The following GPR176 variants were observed in gnomAD, a reference collection of about 807,000 sequenced individuals.
GPR176 encodes G protein-coupled receptor 176, also known as G-protein coupled receptor 176.
A neutral mutation model predicts 35.4 loss-of-function variants in GPR176; 26 were observed. The ratio of observed to expected loss-of-function variants is 0.74; its 90% CI spans 0.54 to 1.02. The LOEUF is 1.02. Ranked by LOEUF, GPR176 falls within the 50% of genes least tolerant of loss-of-function variation. The pLI, the probability that GPR176 is intolerant of heterozygous loss-of-function variation, is 0.00. For missense variants in GPR176, 597 were observed against 665.3 expected, an observed-to-expected ratio of 0.90 and a Z score of 1.13; for synonymous variants, 278 against 271.3, an observed-to-expected ratio of 1.02 and a Z score of -0.24.
intron 1 of GPR176, among the ~76,000 whole-genome samples, chr15:39,899,690 A>C (rs1434265073): frequency 6.6e-6 from 1 of 152,278 alleles, no homozygotes; most frequent in African/African-American, 2.4e-5. Context: ...ATGTAGATGT[A>C]GATTCTCCTT....
chr15:39,804,948 G>A (rs1566934397), intron 2 of GPR176, among the ~76,000 whole-genome samples: 1 of 152,208 alleles, frequency 6.6e-6, no homozygotes, highest in Non-Finnish European at 1.5e-5. Flanking sequence ...GGCACAAGGA[G>A]TGACTGTAAG....
intron 1 of GPR176, among the ~76,000 whole-genome samples, chr15:39,878,205 C>T (rs1404534043): frequency 4.0e-5 from 6 of 149,198 alleles, no homozygotes; most frequent in Admixed American, 2.7e-4. Flanking sequence ...GTAGTCACCA[C>T]ATTGTACCTC....
At chr15:39,824,420 T>C (rs879745618) in intron 1 of GPR176, among the ~76,000 whole-genome samples, 1 of 152,204 alleles carries the variant, frequency 6.6e-6, no homozygotes, top group Non-Finnish European at 1.5e-5. Flanking sequence ...ACTTTTTAGG[T>C]CTTCTTCCAA....
At chr15:39,887,583 A>G (rs1871135475) in intron 1 of GPR176, among the ~76,000 whole-genome samples, 2 of 128,992 alleles carry the variant, frequency 1.6e-5, no homozygotes, top group South Asian at 5.8e-4. Flanking sequence ...GCAGCATCCA[A>G]CAGTTAATTT....
intron 1 of GPR176, among the ~76,000 whole-genome samples, chr15:39,881,792 T>C (rs1429456672): frequency 1.3e-5 from 2 of 152,182 alleles, no homozygotes; most frequent in African/African-American, 4.8e-5. Flanking sequence ...GACCTCACAA[T>C]AATGTTTTAA....
At chr15:39,894,420 C>T in intron 1 of GPR176, 1 of 161,758 alleles carries the variant, frequency 6.2e-6, no homozygotes, top group Non-Finnish European at 1.3e-5. Context: ...CCTCACTTCC[C>T]AGACGGGGCG....
chr15:39,876,388 T>C (rs766897613), intron 1 of GPR176, among the ~76,000 whole-genome samples: 58 of 152,210 alleles, frequency 3.8e-4, no homozygotes, highest in Admixed American at 9.8e-4. Context: ...ACTACCCTCT[T>C]GTGCACAGCG....
chr15:39,866,578 T>C (rs774639098), intron 1 of GPR176, among the ~76,000 whole-genome samples: 44 of 152,190 alleles, frequency 2.9e-4, no homozygotes, highest in Admixed American at 2.4e-3. Flanking sequence ...AATTTAAGTA[T>C]ATTATAGGAT....
chr15:39,803,437 G>A (rs540521634), intron 2 of GPR176, among the ~76,000 whole-genome samples: 33 of 151,788 alleles, frequency 2.2e-4, no homozygotes, highest in Admixed American at 7.2e-4. Flanking sequence ...GCACTACCAC[G>A]CCTGGCTAAT....
chr15:39,842,982 T>A, intron 1 of GPR176, among the ~76,000 whole-genome samples: 1 of 151,556 alleles, frequency 6.6e-6, no homozygotes, highest in East Asian at 1.9e-4. Context: ...CTTCTTGGAA[T>A]CATACTCAAA....
At chr15:39,888,761 T>C (rs1358699894) in intron 1 of GPR176, among the ~76,000 whole-genome samples, 3 of 152,244 alleles carry the variant, frequency 2.0e-5, no homozygotes, top group Non-Finnish European at 4.4e-5. Context: ...ATCTTGAGGA[T>C]ATGAACCTTC....
At chr15:39,891,047 G>A (rs1595509904) in intron 1 of GPR176, among the ~76,000 whole-genome samples, 1 of 152,150 alleles carries the variant, frequency 6.6e-6, no homozygotes, top group East Asian at 1.9e-4. Flanking sequence ...TTTTAGCTAT[G>A]TAACAATGAT....
chr15:39,895,208 T>C (rs1344422578), intron 1 of GPR176, among the ~76,000 whole-genome samples: 1 of 139,192 alleles, frequency 7.2e-6, no homozygotes, highest in Non-Finnish European at 1.5e-5. Context: ...AGGGAGACCG[T>C]GGAAAGAGAG....
At chr15:39,827,893 G>A (rs977111725) in intron 1 of GPR176, among the ~76,000 whole-genome samples, 1 of 152,198 alleles carries the variant, frequency 6.6e-6, no homozygotes, top group African/African-American at 2.4e-5. Context: ...ACTCTCAAAT[G>A]AAAACAATCT....
At chr15:39,865,626 A>G (rs1381909090) in intron 1 of GPR176, among the ~76,000 whole-genome samples, 1 of 152,146 alleles carries the variant, frequency 6.6e-6, no homozygotes, top group East Asian at 1.9e-4. Context: ...GATTATGGAT[A>G]CCCTAAAAGA....
intron 1 of GPR176, among the ~76,000 whole-genome samples, chr15:39,877,709 C>A (rs763576396): frequency 6.6e-6 from 1 of 151,974 alleles, no homozygotes; most frequent in African/African-American, 2.4e-5. Flanking sequence ...TACAGGCAGA[C>A]GCCACCACAC....
chr15:39,845,409 A>C (rs2030347562), intron 1 of GPR176, among the ~76,000 whole-genome samples: 1 of 151,942 alleles, frequency 6.6e-6, no homozygotes, highest in Admixed American at 6.6e-5. Context: ...TTAACAAATG[A>C]AGAAATGAAT....
intron 1 of GPR176, among the ~76,000 whole-genome samples, chr15:39,819,160 G>C (rs1020622345): frequency 2.0e-5 from 3 of 152,100 alleles, no homozygotes; most frequent in Non-Finnish European, 2.9e-5. Context: ...GCTCCCTTTG[G>C]ACCAGCATCC....
chr15:39,822,980 C>T (rs377631683), intron 1 of GPR176, among the ~76,000 whole-genome samples: 120 of 152,274 alleles, frequency 7.9e-4, no homozygotes, highest in African/African-American at 2.8e-3. Context: ...CCAGATCATT[C>T]GAAGGCCTTG....
Sources: gnomAD v4.1 joint callset for allele counts (sites outside exome capture counted in the v4.1 genomes callset) on GRCh38, gnomAD v4.1.1 for gene constraint, MANE v1.5 for transcripts, NCBI Gene and HGNC (gene_info 2026-07-23, HGNC 2026-07-21) for gene names.